CLIC5: variants seen among roughly 807,000 people sequenced by gnomAD.
CLIC5 encodes CLIC family member 5, also known as chloride intracellular channel protein 5.
In CLIC5, 20 loss-of-function variants were observed where a neutral mutation model predicts 24.7. The observed-to-expected ratio is 0.81, with a 90% confidence interval of 0.57 to 1.18. The LOEUF (loss-of-function observed/expected upper bound fraction) is 1.18, where lower values mean the gene tolerates loss of function less well. Ranked by LOEUF, CLIC5 falls within the 50% of genes most tolerant of loss-of-function variation. The pLI is 0.00. For missense variants in CLIC5, 341 were observed against 326.1 expected, an observed-to-expected ratio of 1.05 and a Z score of -0.35; for synonymous variants, 159 against 135.6, an observed-to-expected ratio of 1.17 and a Z score of -1.20.
intron 1 of CLIC5, among the ~76,000 whole-genome samples, chr6:45,974,522 T>TATATATAGAG (rs1339415709): frequency 4.5e-5 from 3 of 66,006 alleles, no homozygotes; most frequent in African/African-American, 1.2e-4. Flanking sequence ...TATATATATA[T>TATATATAGAG]AGAGAGAGAG....
chr6:45,981,040 G>C (rs550501970), intron 1 of CLIC5, among the ~76,000 whole-genome samples: 2 of 151,326 alleles, frequency 1.3e-5, no homozygotes, highest in African/African-American at 4.9e-5. Context: ...GTGTGATCTC[G>C]GCTCACTGCA....
At chr6:46,107,754 G>C in the CLIC5 span, among the ~76,000 whole-genome samples, 1 of 152,006 alleles carries the variant, frequency 6.6e-6, no homozygotes, top group African/African-American at 2.4e-5. Flanking sequence ...AACTTAATGG[G>C]GCTGGGTGCA....
chr6:46,035,018 G>A (rs1203289786), intron 1 of CLIC5, among the ~76,000 whole-genome samples: 5 of 152,186 alleles, frequency 3.3e-5, no homozygotes, highest in Admixed American at 6.5e-5. Flanking sequence ...AATGGCACCT[G>A]ATTCAAAATA....
intron 1 of CLIC5, among the ~76,000 whole-genome samples, chr6:46,073,912 A>G (rs958942055): frequency 6.6e-6 from 1 of 152,194 alleles, no homozygotes; most frequent in Non-Finnish European, 1.5e-5. Flanking sequence ...CTCACCTGCA[A>G]TGATAAAACT....
At chr6:45,884,927 T>G (rs1403592399) in intron 6 of CLIC5, among the ~76,000 whole-genome samples, 2 of 75,546 alleles carry the variant, frequency 2.6e-5, no homozygotes, top group Non-Finnish European at 5.4e-5. Context: ...TGTGGTAAAC[T>G]GTCAAGAGTA....
At chr6:46,088,807 A>G in the CLIC5 span, among the ~76,000 whole-genome samples, 2 of 152,198 alleles carry the variant, frequency 1.3e-5, no homozygotes, top group Non-Finnish European at 2.9e-5. Context: ...TTTTGAGCCA[A>G]ATGACTTTTT....
chr6:45,966,854 C>A lies in CLIC5; in HGVS notation c.64-11610G>T, dbSNP rs539542413. On this transcript the variant is annotated intron_variant, in intron 1 of 5. Transcript: ENST00000339561. ...TCTGAAGAACCTCAAGTCAATGCAG[C>A]CATAAACAATGCCAAGAACTTCACG... 1.3e-3 allele frequency among the ~76,000 whole-genome samples: 198 copies of A among 152,322 alleles called. 1 individual carries two copies. The highest frequency in any genetic ancestry group is 4.5e-3 in the African/African-American group (187 of 41,572).
At chr6:45,958,353 G>A (rs1764714489) in intron 1 of CLIC5, among the ~76,000 whole-genome samples, 1 of 148,506 alleles carries the variant, frequency 6.7e-6, no homozygotes, top group Admixed American at 6.8e-5. Context: ...CGTTTCTGCT[G>A]CTATCAGCTA....
intron 6 of CLIC5, among the ~76,000 whole-genome samples, chr6:45,885,361 T>A (rs1762296327): frequency 1.3e-5 from 2 of 152,182 alleles, no homozygotes; most frequent in African/African-American, 4.8e-5. Flanking sequence ...CTTCCAGAAC[T>A]GTGAGAAATA....
the CLIC5 span, among the ~76,000 whole-genome samples, chr6:46,113,298 T>A: frequency 6.6e-6 from 1 of 152,190 alleles, no homozygotes; most frequent in Non-Finnish European, 1.5e-5. Flanking sequence ...AACTGGCTGC[T>A]GAGTGAAGAC....
chr6:45,933,856 G>A (rs1479034923), intron 4 of CLIC5, among the ~76,000 whole-genome samples: 1 of 152,230 alleles, frequency 6.6e-6, no homozygotes, highest in Non-Finnish European at 1.5e-5. Flanking sequence ...TGAGTTTCAG[G>A]TGAAGAGAGA....
intron 1 of CLIC5, among the ~76,000 whole-genome samples, chr6:45,987,845 G>A (rs961281664): frequency 6.6e-6 from 1 of 152,174 alleles, no homozygotes; most frequent in East Asian, 1.9e-4. Flanking sequence ...TTTCCTAAAA[G>A]CACTATCTCC....
the CLIC5 span, among the ~76,000 whole-genome samples, chr6:46,085,595 C>T: frequency 2.6e-5 from 4 of 152,204 alleles, no homozygotes; most frequent in African/African-American, 4.8e-5. Context: ...AGCAGATTTT[C>T]GTGAACCACA....
At chr6:45,979,501 G>A (rs983566168) in intron 1 of CLIC5, among the ~76,000 whole-genome samples, 4 of 152,136 alleles carry the variant, frequency 2.6e-5, no homozygotes, top group African/African-American at 7.2e-5. Context: ...AGGCTATGTG[G>A]GCTCCACCCA....
chr6:46,109,807 A>T, the CLIC5 span, among the ~76,000 whole-genome samples: 1 of 152,192 alleles, frequency 6.6e-6, no homozygotes, highest in African/African-American at 2.4e-5. Flanking sequence ...CAGAATTTGG[A>T]AACTGTTGGG....
At position 45,919,726 on chromosome 6, in the gene CLIC5, G is replaced by A. The variant is rs540841453; in HGVS notation, c.407-5317C>T. 3.3e-4 allele frequency among the ~76,000 whole-genome samples: 50 copies of A among 152,268 alleles called. 1 individual carries two copies. The South Asian group carries it at 3.3e-3, about 10-fold the overall frequency. ...TTTAGAACATCTTAGACAATAGGTT[G>A]GGTAAAAGTCTACTGTCTTGTTGAA... On this transcript the variant is annotated intron_variant, in intron 4 of 5. Coordinates refer to ENST00000339561, the MANE Select transcript of CLIC5 (RefSeq NM_016929.5).
intron 4 of CLIC5, among the ~76,000 whole-genome samples, chr6:45,932,117 C>CT (rs1401630519): frequency 1.3e-5 from 2 of 152,036 alleles, no homozygotes; most frequent in Non-Finnish European, 2.9e-5. Context: ...AGTTTCTTTT[C>CT]TTTTTTCTTT....
At position 45,977,608 on chromosome 6, in the gene CLIC5, T is replaced by C. The variant is rs373924518; in HGVS notation, c.64-22364A>G. ...GGGACCCTTTCTTTTTCCAGGGTTA[T>C]AAATTCTCCCCTTTCAAGACCTCTT... On this transcript the variant is annotated intron_variant, in intron 1 of 5. Transcript: ENST00000339561. Among the ~76,000 whole-genome samples the C allele has an allele frequency of 6.8e-4, 104 of 152,246 alleles. 1 individual carries two copies. The South Asian group carries it at 0.02, about 29-fold the overall frequency.
intron 1 of CLIC5, among the ~76,000 whole-genome samples, chr6:46,066,344 C>T (rs370035747): frequency 6.0e-4 from 91 of 152,102 alleles, no homozygotes; most frequent in African/African-American, 2.1e-3. Flanking sequence ...TCACAGGATG[C>T]CTGAGTATGA....
Sources: allele counts gnomAD v4.1 joint callset (sites outside exome capture counted in the v4.1 genomes callset), GRCh38; gene constraint gnomAD v4.1.1; transcripts MANE v1.5; gene names NCBI Gene and HGNC (gene_info 2026-07-23, HGNC 2026-07-21).